Variants in PLB1 observed in about 807,000 individuals in gnomAD.
The protein encoded by PLB1 is phospholipase B1, membrane-associated.
In PLB1, 242 loss-of-function variants were observed where a neutral mutation model predicts 227.4. That is an observed-to-expected ratio of 1.06 (90% CI 0.96 to 1.18). The LOEUF is 1.18. PLB1 is among the 50% of genes most tolerant of loss of function. The probability of loss-of-function intolerance (pLI) is 0.00; values close to 1 mark genes in which losing one functional copy is unlikely to be tolerated. For synonymous variants in PLB1, 757 were observed against 682.2 expected, an observed-to-expected ratio of 1.11 and a Z score of -1.71; for missense variants, 1,858 against 1,816.3, an observed-to-expected ratio of 1.02 and a Z score of -0.42.
chr2:28,630,096 A>G (rs1688389558), intron 53 of PLB1, among the ~76,000 whole-genome samples: 1 of 152,042 alleles, frequency 6.6e-6, no homozygotes. Context: ...CAGCTTTCCC[A>G]CAGACTTCCC....
intron 9 of PLB1, among the ~76,000 whole-genome samples, chr2:28,537,089 A>C (rs1378561168): frequency 6.6e-6 from 1 of 152,212 alleles, no homozygotes; most frequent in East Asian, 1.9e-4. Flanking sequence ...AAAACTAGAC[A>C]GAAGGCTTTA....
In PLB1 at chr2:28,620,325, T is replaced by G; in HGVS notation, c.3376T>G (p.Ser1126Ala). ...SDLPTSWRGL[S>A]WSIGGDGNLE... Reference sequence around the variant, plus strand: ...CCTACCCACATCTTGGAGGGGACTCTCTTGGAGGTGAGGATGTTCTTGATG... The same window carrying G: ...CCTACCCACATCTTGGAGGGGACTCGCTTGGAGGTGAGGATGTTCTTGATG... The change falls in exon 47 of 58, where the codon TCT (serine) becomes GCT (alanine). Residue 1126 changes from serine (S) to alanine (A), a missense_variant. Coordinates refer to ENST00000327757, the MANE Select transcript of PLB1 (RefSeq NM_153021.5). The G allele has an allele frequency of 1.2e-6, 2 of 1,602,566 alleles. No individual in the cohort carries two copies. The highest frequency in any genetic ancestry group is 1.7e-6 in the Non-Finnish European group (2 of 1,173,082).
chr2:28,603,065 C>T, intron 39 of PLB1, 144 bp downstream of exon 39: 1 of 702,684 alleles, frequency 1.4e-6, no homozygotes, highest in Non-Finnish European at 2.4e-6. Flanking sequence ...CCAGAACGTC[C>T]CCTTCCAGAG....
intron 21 of PLB1, among the ~76,000 whole-genome samples, chr2:28,575,779 C>G (rs552227099): frequency 1.3e-5 from 2 of 152,172 alleles, no homozygotes; most frequent in Non-Finnish European, 2.9e-5. Context: ...TCTCGATCTC[C>G]TGACCTCATG....
intron 18 of PLB1, among the ~76,000 whole-genome samples, chr2:28,564,230 A>C (rs1676501330): frequency 1.3e-5 from 2 of 152,220 alleles, no homozygotes; most frequent in Non-Finnish European, 2.9e-5. Context: ...CAACAGAGCA[A>C]GGCCCTGTCT....
intron 1 of PLB1, among the ~76,000 whole-genome samples, chr2:28,507,867 A>G (rs1008322003): frequency 4.6e-5 from 7 of 152,126 alleles, no homozygotes; most frequent in Non-Finnish European, 8.8e-5. Context: ...TACAGGACAG[A>G]GTATTTAATT....
chr2:28,574,895 AT>A (rs895739376), intron 21 of PLB1, among the ~76,000 whole-genome samples: 1 of 152,056 alleles, frequency 6.6e-6, no homozygotes, highest in Non-Finnish European at 1.5e-5. Context: ...TATATACCAC[AT>A]TTTTTTATCC....
intron 48 of PLB1, 53 bp downstream of exon 48, chr2:28,620,696 A>T (rs1686920847): frequency 6.2e-7 from 1 of 1,608,264 alleles, no homozygotes; most frequent in African/African-American, 1.3e-5. Flanking sequence ...CCCTGGGGCC[A>T]GGGCCTTCCT....
Position 28,582,387 on chromosome 2 carries a change from G to A in PLB1, c.1633-18G>A, listed in dbSNP as rs936678116. On this transcript the variant is annotated intron_variant, in intron 24 of 57. Coordinates refer to ENST00000327757, the MANE Select transcript of PLB1 (RefSeq NM_153021.5). ...GCCCAGCCTCATCCTCTTGGTGACT[G>A]AGTTTGCCTTTTCTCAGGTTCCTCG... 5.0e-6 allele frequency: 8 copies of A among 1,607,314 alleles called. No homozygotes were observed. Among genetic ancestry groups the A allele is most frequent in the East Asian group, 2.2e-5 (1 of 44,728 alleles).
intron 33 of PLB1, among the ~76,000 whole-genome samples, chr2:28,596,351 A>G (rs763562454): frequency 2.0e-5 from 3 of 152,336 alleles, no homozygotes; most frequent in Non-Finnish European, 4.4e-5. Context: ...TATTTGTCAT[A>G]ATCCTTTTCT....
chr2:28,599,951 T>C (rs1683601499), intron 35 of PLB1, among the ~76,000 whole-genome samples: 1 of 151,836 alleles, frequency 6.6e-6, no homozygotes, highest in African/African-American at 2.4e-5. Flanking sequence ...CTCTGTCACC[T>C]AGGCTGAGTG....
intron 14 of PLB1, among the ~76,000 whole-genome samples, chr2:28,544,502 C>T (rs1403526647): frequency 1.3e-5 from 2 of 152,194 alleles, no homozygotes; most frequent in East Asian, 3.9e-4. Context: ...TTGTACCCTG[C>T]CCTTGTACCC....
At chr2:28,544,339 T>G (rs150459544) in intron 14 of PLB1, among the ~76,000 whole-genome samples, 249 of 152,326 alleles carry the variant, frequency 1.6e-3, no homozygotes, top group Middle Eastern at 0.01. Flanking sequence ...ACCTGGCCCC[T>G]CCAGCAGGGA....
chr2:28,634,730 G>T (rs1206801268), intron 56 of PLB1, among the ~76,000 whole-genome samples: 1 of 152,144 alleles, frequency 6.6e-6, no homozygotes, highest in African/African-American at 2.4e-5. Context: ...CAACACAGGG[G>T]AGATTCTGTC....
At chr2:28,520,947 C>T (rs1320603422) in intron 4 of PLB1, among the ~76,000 whole-genome samples, 1 of 152,096 alleles carries the variant, frequency 6.6e-6, no homozygotes, top group African/African-American at 2.4e-5. Flanking sequence ...TGCACTCCGG[C>T]CTGGGAAACA....
intron 11 of PLB1, 97 bp downstream of exon 11, chr2:28,539,275 C>T (rs1572844230): frequency 8.8e-7 from 1 of 1,141,686 alleles, no homozygotes; most frequent in Non-Finnish European, 1.3e-6. Context: ...ATGAGGGAGC[C>T]CTAAAGAACA....
intron 4 of PLB1, among the ~76,000 whole-genome samples, chr2:28,522,670 C>T (rs1022255375): frequency 4.6e-5 from 7 of 152,190 alleles, no homozygotes; most frequent in African/African-American, 1.7e-4. Flanking sequence ...TCGGAAAGAG[C>T]TCTTTGTCCA....
chr2:28,613,861 G>GTAACA (rs1685819333), intron 43 of PLB1, among the ~76,000 whole-genome samples, 170 bp from the exon 44 acceptor site: 1 of 152,210 alleles, frequency 6.6e-6, no homozygotes, highest in African/African-American at 2.4e-5. Context: ...AAGCTGTTAT[G>GTAACA]TAAAACCCTC....
chr2:28,594,482 T>G (rs1682569465), intron 33 of PLB1: 1 of 163,414 alleles, frequency 6.1e-6, no homozygotes, highest in Non-Finnish European at 1.4e-5. Flanking sequence ...GGGGGCAGCG[T>G]GCTAATGAGT....
Sources: gnomAD v4.1 joint callset for allele counts (sites outside exome capture counted in the v4.1 genomes callset) on GRCh38, gnomAD v4.1.1 for gene constraint, MANE v1.5 for transcripts, NCBI Gene and HGNC (gene_info 2026-07-23, HGNC 2026-07-21) for gene names.